RAP1GAP: variants seen among roughly 807,000 people sequenced by gnomAD.
The protein encoded by RAP1GAP is rap1 GTPase-activating protein 1.
A neutral mutation model predicts 87.2 loss-of-function variants in RAP1GAP; 35 were observed. The ratio of observed to expected loss-of-function variants is 0.40; its 90% CI spans 0.31 to 0.53. The LOEUF (loss-of-function observed/expected upper bound fraction) is 0.53, where lower values mean the gene tolerates loss of function less well. RAP1GAP is among the 20% of genes least tolerant of loss of function. The pLI is 0.48. For missense variants in RAP1GAP, 734 were observed against 898.9 expected (o/e 0.82, Z 2.35); for synonymous variants, 375 against 363.9 (o/e 1.03, Z -0.35).
chr1:21,613,726 C>A lies in RAP1GAP; in HGVS notation c.396-20G>T. On this transcript the variant is annotated intron_variant, in intron 8 of 24. Transcript: ENST00000374765. This position sits in a 1 kb window ranked among gnomAD's most constrained non-coding sequence, Gnocchi z 4.7. ...TTGGTCCTGAGAAGAGAAAGTCACACGATGAAGGCCTGGGCAGCAGGACAG... is the reference window on the plus strand; with the variant it reads ...TTGGTCCTGAGAAGAGAAAGTCACAAGATGAAGGCCTGGGCAGCAGGACAG... 1 of 1,594,988 alleles carries A rather than the reference C, an allele frequency of 6.3e-7. No individual in the cohort carries two copies. The highest frequency in any genetic ancestry group is 8.6e-7 in the Non-Finnish European group (1 of 1,163,444).
At chr1:21,638,262 A>G (rs1408315988) in intron 2 of RAP1GAP, among the ~76,000 whole-genome samples, 1 of 152,040 alleles carries the variant, frequency 6.6e-6, no homozygotes, top group Admixed American at 6.6e-5. Context: ...GTTTCAGACC[A>G]GCCTGACCAA....
chr1:21,651,889 T>G, intron 1 of RAP1GAP: 3 of 1,012,250 alleles, frequency 3.0e-6, no homozygotes, highest in Non-Finnish European at 3.5e-6. Context: ...CCGGGTCACC[T>G]TGGCAACGCG....
intron 2 of RAP1GAP, among the ~76,000 whole-genome samples, chr1:21,636,015 CT>C (rs1400938247): frequency 6.6e-6 from 1 of 152,250 alleles, no homozygotes; most frequent in Non-Finnish European, 1.5e-5. Flanking sequence ...TTCTAAGTCG[CT>C]TCTCTTCTCT....
In RAP1GAP at chr1:21,599,471, C is replaced by T. The variant is rs1179757551; in HGVS notation, c.1776+23G>A. The T allele has an allele frequency of 1.9e-6, 3 of 1,599,584 alleles. No homozygotes were observed. In the South Asian group the frequency reaches 3.3e-5, roughly 18 times the overall value. The stretch of plus-strand genomic sequence containing the variant: ...CCCCCTTCCAAGCTCCTGTGGGGCC[C>T]CTGACCCCCCTGAGCCTCTCACCAG... On this transcript the variant is annotated intron_variant, in intron 21 of 24. Coordinates refer to ENST00000374765, the MANE Select transcript of RAP1GAP (RefSeq NM_002885.4).
intron 1 of RAP1GAP, chr1:21,651,821 A>T (rs1416364064): frequency 2.4e-6 from 3 of 1,255,444 alleles, no homozygotes; most frequent in Non-Finnish European, 3.0e-6. Context: ...CCGGCCGCTC[A>T]TGGTGCCGCC....
At chr1:21,616,039 T>C (rs571389478) in intron 7 of RAP1GAP, among the ~76,000 whole-genome samples, 6 of 152,128 alleles carry the variant, frequency 3.9e-5, no homozygotes, top group African/African-American at 7.2e-5. Flanking sequence ...CCTAACTCCA[T>C]TGGTTAGCAC....
intron 2 of RAP1GAP, among the ~76,000 whole-genome samples, chr1:21,648,762 C>T (rs545064471): frequency 7.9e-4 from 120 of 152,304 alleles, no homozygotes; most frequent in Non-Finnish European, 1.3e-3. Context: ...GGCACAGCAG[C>T]AGGAGATGAT....
chr1:21,665,751 T>TA (rs1221192169), intron 1 of RAP1GAP, among the ~76,000 whole-genome samples: 1 of 152,144 alleles, frequency 6.6e-6, no homozygotes, highest in African/African-American at 2.4e-5. Context: ...TGCCCTTGGG[T>TA]ACCCTCCTCC....
chr1:21,620,088 C>T, intron 3 of RAP1GAP, 38 bp from the exon 4 acceptor site: 1 of 1,611,826 alleles, frequency 6.2e-7, no homozygotes, highest in East Asian at 2.2e-5. Flanking sequence ...TCAGCTGATC[C>T]CGCCAAGCCC....
At chr1:21,599,428 T>C in intron 21 of RAP1GAP, 66 bp downstream of exon 21, 3 of 1,552,464 alleles carry the variant, frequency 1.9e-6, no homozygotes, top group Non-Finnish European at 2.6e-6. Context: ...ACTCAGGGCA[T>C]CTCCAGGGAC....
Position 21,613,929 on chromosome 1 carries a change from T to C in RAP1GAP, c.395+57A>G. 7.2e-7 allele frequency: 1 copy of C among 1,394,046 alleles called. No homozygotes were observed. Among genetic ancestry groups the C allele is most frequent in the Non-Finnish European group, 1.0e-6 (1 of 1,001,384 alleles). The allele number at this position is 1,394,046 out of a possible 1,614,324, so 86.4% of individuals were successfully genotyped here. ...AGAGTGGGTCAAATGAGATGGGCTC[T>C]GAGATTGTAAGACCTCAGCCCTTCC... On this transcript the variant is annotated intron_variant, in intron 8 of 24. Transcript: ENST00000374765. The surrounding 1 kb of genome is among the most constrained non-coding windows in gnomAD (Gnocchi z 4.7).
rs71569840 is a variant in RAP1GAP, at chr1:21,653,543, ACTTCCTTCCTTCCTTCCTTC to A, written c.-148-3767_-148-3748del. Among the ~76,000 whole-genome samples, 451 of 124,142 alleles carry A rather than the reference ACTTCCTTCCTTCCTTCCTTC, an allele frequency of 3.6e-3. 5 individuals are homozygous for A. Among genetic ancestry groups the A allele is most frequent in the African/African-American group, 0.012 (401 of 32,630 alleles). 81.4% of individuals were successfully genotyped at this position (124,142 alleles called of 152,430 possible). A position where few individuals can be genotyped will look rare whatever the true frequency, so the allele number is the denominator to read the frequency against. On this transcript the variant is annotated intron_variant, in intron 1 of 24. Transcript: ENST00000374765. ...CTGAAGTTTGCCTGAGAAGGGAGGA[ACTTCCTTCCTTCCTTCCTTC>A]CTTCCTTCCTTCCTTCCTTCCTTCC...
intron 11 of RAP1GAP, 59 bp from the exon 12 acceptor site, chr1:21,611,875 T>C (rs2078540551): frequency 1.9e-6 from 3 of 1,545,016 alleles, no homozygotes; most frequent in Non-Finnish European, 2.7e-6. Context: ...CTGCCCTCTG[T>C]CCCTACTTGG....
In RAP1GAP at chr1:21,656,429, A is replaced by AC. The variant is rs1363209913; in HGVS notation, c.-148-6634_-148-6633insG. On this transcript the variant is annotated intron_variant, in intron 1 of 24. Coordinates refer to ENST00000374765, the MANE Select transcript of RAP1GAP (RefSeq NM_002885.4). ...GCAAGACTCCATCTAAAAAAAAAAAAAAAAAAAAAAAAAAAAAAAAAAAAA... is the reference window on the plus strand; with the variant it reads ...GCAAGACTCCATCTAAAAAAAAAAAACAAAAAAAAAAAAAAAAAAAAAAAAA... Among the ~76,000 whole-genome samples, 83 of 142,556 alleles carry AC rather than the reference A, an allele frequency of 5.8e-4. 5 individuals are homozygous for AC. The highest frequency in any genetic ancestry group is 1.4e-3 in the African/African-American group (55 of 38,656). 93.5% of individuals were successfully genotyped at this position (142,556 alleles called of 152,430 possible). A position where few individuals can be genotyped will look rare whatever the true frequency, so the allele number is the denominator to read the frequency against.
intron 20 of RAP1GAP, among the ~76,000 whole-genome samples, chr1:21,600,302 A>C (rs1570409730): frequency 1.3e-5 from 2 of 151,776 alleles, no homozygotes; most frequent in Admixed American, 1.3e-4. Context: ...GACCCTCCCC[A>C]CTCTGGCTCC....
chr1:21,622,336 C>A lies in RAP1GAP; in HGVS notation c.-18-2286G>T. On this transcript the variant is annotated intron_variant, in intron 3 of 24. Coordinates refer to ENST00000374765, the MANE Select transcript of RAP1GAP (RefSeq NM_002885.4). The surrounding 1 kb of genome is among the most constrained non-coding windows in gnomAD (Gnocchi z 5.7). ...CGCCATGCCGCCCCGCCCGGGTCCT[C>A]ACCTGCCAGCTGGCCCCCGCGGGCA... 2.0e-6 allele frequency: 1 copy of A among 489,316 alleles called. No homozygotes were observed. The highest frequency in any genetic ancestry group is 3.6e-6 in the Non-Finnish European group (1 of 275,766). The allele number at this position is 489,316 out of a possible 1,614,324, so 30.3% of individuals were successfully genotyped here.
At chr1:21,617,662 G>C (rs1037403149) in intron 6 of RAP1GAP, among the ~76,000 whole-genome samples, 171 bp from the exon 7 acceptor site, 3 of 152,236 alleles carry the variant, frequency 2.0e-5, no homozygotes, top group Non-Finnish European at 4.4e-5. Flanking sequence ...CCCTCAGCCA[G>C]ACCCAGACAG....
At chr1:21,598,210 C>T in intron 22 of RAP1GAP, 146 bp from the exon 23 acceptor site, 1 of 764,054 alleles carries the variant, frequency 1.3e-6, no homozygotes, top group Non-Finnish European at 2.1e-6. Flanking sequence ...CTCCGAGACC[C>T]TTCCGGAAGA....
intron 2 of RAP1GAP, among the ~76,000 whole-genome samples, chr1:21,627,409 CTTTTT>C (rs755209828): frequency 8.0e-6 from 1 of 125,238 alleles, no homozygotes; most frequent in Non-Finnish European, 1.7e-5. Context: ...CTCCCTTCTT[CTTTTT>C]TTTTTTTTTT....
Sources: allele counts gnomAD v4.1 joint callset (sites outside exome capture counted in the v4.1 genomes callset), GRCh38; gene constraint gnomAD v4.1.1; non-coding constraint Gnocchi (gnomAD v3.1); transcripts MANE v1.5; gene names NCBI Gene and HGNC (gene_info 2026-07-23, HGNC 2026-07-21).